FBXO15: variants seen among roughly 807,000 people sequenced by gnomAD.
FBXO15 encodes the protein F-box only protein 15.
In FBXO15, 30 loss-of-function variants were observed where a neutral mutation model predicts 49.5. The ratio of observed to expected loss-of-function variants is 0.61; its 90% CI spans 0.45 to 0.82. The LOEUF (loss-of-function observed/expected upper bound fraction) is 0.82. FBXO15 is among the 40% of genes least tolerant of loss of function. The pLI, the probability that FBXO15 is intolerant of heterozygous loss-of-function variation, is 0.00. For synonymous variants in FBXO15, 250 were observed against 232.7 expected, an observed-to-expected ratio of 1.07 and a Z score of -0.68; for missense variants, 591 against 631.5, an observed-to-expected ratio of 0.94 and a Z score of 0.69.
intron 2 of FBXO15, among the ~76,000 whole-genome samples, chr18:74,139,473 CT>C (rs1027734666): frequency 1.3e-5 from 2 of 152,144 alleles, no homozygotes; most frequent in African/African-American, 4.8e-5. Flanking sequence ...TCCTTTCTGG[CT>C]TTTTTTAAAA....
chr18:74,146,767 C>G (rs570526267), intron 1 of FBXO15, among the ~76,000 whole-genome samples: 1 of 152,254 alleles, frequency 6.6e-6, no homozygotes, highest in East Asian at 1.9e-4. Context: ...GGACATAGTT[C>G]TGGAGATTCA....
At chr18:74,140,067 GCTGT>G (rs1978969357) in intron 2 of FBXO15, 131 bp downstream of exon 2, 1 of 611,612 alleles carries the variant, frequency 1.6e-6, no homozygotes, top group African/African-American at 1.9e-5. Context: ...AATGCTCCAT[GCTGT>G]ACTGTCTTCC....
chr18:74,081,870 C>T (rs1039667716), intron 9 of FBXO15, 57 bp downstream of exon 9: 2 of 1,231,088 alleles, frequency 1.6e-6, no homozygotes, highest in African/African-American at 1.6e-5. Flanking sequence ...TATAAACAGA[C>T]TTTTTATTAT....
intron 5 of FBXO15, among the ~76,000 whole-genome samples, chr18:74,127,164 C>A (rs7231106): frequency 6.6e-6 from 1 of 152,166 alleles, no homozygotes; most frequent in East Asian, 1.9e-4. Context: ...GGCAGGTGCT[C>A]AATAAATCGC....
At chr18:74,079,350 T>C (rs1026274757) in intron 9 of FBXO15, among the ~76,000 whole-genome samples, 9 of 152,140 alleles carry the variant, frequency 5.9e-5, no homozygotes, top group Admixed American at 3.3e-4. Flanking sequence ...CTTTGTAAAA[T>C]AGCATGGTAA....
At chr18:74,111,193 C>T (rs555939276) in intron 8 of FBXO15, among the ~76,000 whole-genome samples, 6 of 149,002 alleles carry the variant, frequency 4.0e-5, no homozygotes, top group African/African-American at 1.2e-4. Context: ...TGGCCAAGTG[C>T]GGTGCCTCAC....
intron 8 of FBXO15, among the ~76,000 whole-genome samples, chr18:74,107,605 A>G (rs1450932164): frequency 6.6e-6 from 1 of 152,086 alleles, no homozygotes; most frequent in African/African-American, 2.4e-5. Context: ...AAAAAGGGAA[A>G]CCTGAGCTGT....
rs976569237 is a variant in FBXO15 at position 74,074,527 on chromosome 18, T to G, written c.1264-797A>C. ...GGAAGTGGTCCACTTTCACTATCCA[T>G]GCCTCAGGCACCCTGTCTTCTAACT... is the stretch of plus-strand genomic sequence containing the variant. On this transcript the variant is annotated intron_variant, in intron 9 of 9. Coordinates refer to ENST00000419743, the MANE Select transcript of FBXO15 (RefSeq NM_001142958.2). The surrounding 1 kb of genome is among the most constrained non-coding windows in gnomAD (Gnocchi z 4.7). Among the ~76,000 whole-genome samples, 1 of 152,170 alleles carries G rather than the reference T, an allele frequency of 6.6e-6. No individual in the cohort carries two copies. The highest frequency in any genetic ancestry group is 2.4e-5 in the African/African-American group (1 of 41,434).
chr18:74,114,161 C>T (rs1461704717), intron 8 of FBXO15, among the ~76,000 whole-genome samples: 6 of 152,176 alleles, frequency 3.9e-5, no homozygotes, highest in African/African-American at 1.4e-4. Context: ...CTGCTAGTGC[C>T]AGGCAGAGAC....
intron 8 of FBXO15, among the ~76,000 whole-genome samples, chr18:74,103,009 T>C (rs977204110): frequency 3.3e-5 from 5 of 152,090 alleles, no homozygotes; most frequent in Non-Finnish European, 7.4e-5. Flanking sequence ...CATTGTATAC[T>C]GCTGAGGAGA....
chr18:74,116,824 T>C (rs1302754894), intron 8 of FBXO15, among the ~76,000 whole-genome samples: 2 of 152,084 alleles, frequency 1.3e-5, no homozygotes, highest in Admixed American at 6.5e-5. Context: ...GGTTTGTTAA[T>C]AGATGAACCC....
chr18:74,115,590 T>C (rs1176787586), intron 8 of FBXO15, among the ~76,000 whole-genome samples: 1 of 152,208 alleles, frequency 6.6e-6, no homozygotes, highest in African/African-American at 2.4e-5. Context: ...CTTTGATTAT[T>C]TGCATTCCCT....
chr18:74,145,521 T>C (rs1184169782), intron 1 of FBXO15, among the ~76,000 whole-genome samples: 1 of 151,656 alleles, frequency 6.6e-6, no homozygotes, highest in Non-Finnish European at 1.5e-5. Flanking sequence ...CATGAGACCA[T>C]ACATCTTATC....
At position 74,123,437 on chromosome 18, in the gene FBXO15, G is replaced by A; in HGVS notation, c.1069C>T (p.His357Tyr). The change falls in exon 8 of 10, where the codon CAT becomes TAT. Residue 357 changes from histidine to tyrosine, a missense_variant. Coordinates refer to ENST00000419743, the MANE Select transcript of FBXO15 (RefSeq NM_001142958.2). ...ACCCCACCGCTGTGCAGATCAACAT[G>A]GAGTTGGTAGCCGTGCAGTCCATAC... ...PEYGLHGYQL[H>Y]VDLHSGGVFY... is the part of the protein sequence containing the mutation. 6.2e-7 allele frequency: 1 copy of A among 1,614,058 alleles called. No homozygotes were observed. The highest frequency in any genetic ancestry group is 8.5e-7 in the Non-Finnish European group (1 of 1,179,974).
rs934883412 is a variant in FBXO15, at chr18:74,123,620, T to A, written c.996-110A>T. 11 of 1,163,162 alleles carry A rather than the reference T, an allele frequency of 9.5e-6. No homozygotes were observed. In the African/African-American group the frequency reaches 1.7e-4, roughly 18 times the overall value. 72.1% of individuals were successfully genotyped at this position (1,163,162 alleles called of 1,614,324 possible). ...CCATCTGTATCAAAGCACTACCTCC[T>A]ACAAATGAAACTCCATAGGATTCCC... On this transcript the variant is annotated intron_variant, in intron 7 of 9. Transcript: ENST00000419743.
chr18:74,130,456 G>T lies in FBXO15; in HGVS notation c.535C>A (p.Pro179Thr). ...ALADILKPVN[P>T]YTGLPVKTKE... is the part of the protein sequence containing the mutation. ...GTCTTAACTGGAAGGCCTGTGTAAG[G>T]GTTGACAGGTTTGAGAATGTCAGCT... Residue 179 changes from proline to threonine, a missense_variant, in exon 4 of 10, where the codon CCT (proline) becomes ACT (threonine). By Grantham distance (38) the Pro-to-Thr change is conservative. Transcript: ENST00000419743. 1 of 1,614,148 alleles carries T rather than the reference G, an allele frequency of 6.2e-7. No individual in the cohort carries two copies. Among genetic ancestry groups the T allele is most frequent in the Non-Finnish European group, 8.5e-7 (1 of 1,180,020 alleles).
intron 8 of FBXO15, chr18:74,100,111 T>A (rs1320367650): frequency 6.6e-6 from 1 of 152,120 alleles, no homozygotes; most frequent in South Asian, 2.1e-4. Flanking sequence ...CCACAGAATA[T>A]ACATTCTATT....
At chr18:74,089,951 C>G (rs901319396) in intron 8 of FBXO15, among the ~76,000 whole-genome samples, 2 of 152,142 alleles carry the variant, frequency 1.3e-5, no homozygotes, top group East Asian at 3.9e-4. Flanking sequence ...AGAGAGGAGT[C>G]CCTCCACCTC....
chr18:74,112,924 G>A (rs757923236), intron 8 of FBXO15, among the ~76,000 whole-genome samples: 11 of 152,156 alleles, frequency 7.2e-5, no homozygotes, highest in Non-Finnish European at 1.2e-4. Context: ...AAACGTACTC[G>A]TACCACATGA....
Sources: allele counts gnomAD v4.1 joint callset (sites outside exome capture counted in the v4.1 genomes callset), GRCh38; gene constraint gnomAD v4.1.1; non-coding constraint Gnocchi (gnomAD v3.1); transcripts MANE v1.5; gene names NCBI Gene and HGNC (gene_info 2026-07-23, HGNC 2026-07-21).